The following PPM1B variants were observed in gnomAD, a reference collection of about 807,000 sequenced individuals.
PPM1B encodes protein phosphatase, Mg2+/Mn2+ dependent 1B, also known as protein phosphatase 1B.
Under a neutral mutation model 43.0 loss-of-function variants are expected in PPM1B, and 22 were observed. The observed-to-expected ratio is 0.51, with a 90% CI of 0.37 to 0.73. The LOEUF (loss-of-function observed/expected upper bound fraction) is 0.73. Among genes scored for constraint, PPM1B ranks in the 30% least tolerant of loss-of-function variants. The pLI is 0.00. For synonymous variants in PPM1B, 217 were observed against 197.9 expected, an observed-to-expected ratio of 1.10 and a Z score of -0.81; for missense variants, 632 against 584.2, an observed-to-expected ratio of 1.08 and a Z score of -0.84.
At chr2:44,233,396 T>A (rs1364643007), downstream of PPM1B, 1 of 982,980 alleles carries the variant, frequency 1.0e-6, no homozygotes, top group Admixed American at 6.1e-5. Context: ...CTTGAAGATT[T>A]ATTAGTTTAA....
intron 3 of PPM1B, among the ~76,000 whole-genome samples, chr2:44,215,201 A>G (rs1669665527): frequency 6.6e-6 from 1 of 152,248 alleles, no homozygotes; most frequent in African/African-American, 2.4e-5. Context: ...ATGTAACTTC[A>G]CAGTAGCTTA....
At chr2:44,179,084 TTCTCATGATAATGAGTAAG>T (rs1319091200) in intron 1 of PPM1B, among the ~76,000 whole-genome samples, 2 of 152,170 alleles carry the variant, frequency 1.3e-5, no homozygotes, top group Non-Finnish European at 2.9e-5. Flanking sequence ...TCCTGTGCTG[TTCTCATGATAATGAGTAAG>T]TCTCATGAGA....
At chr2:44,173,467 G>T (rs1667445118) in intron 1 of PPM1B, among the ~76,000 whole-genome samples, 2 of 151,376 alleles carry the variant, frequency 1.3e-5, no homozygotes, top group Admixed American at 1.3e-4. Context: ...CAAATTACAG[G>T]GTGCTTTATT....
chr2:44,205,178 T>A (rs1330868006), intron 2 of PPM1B, among the ~76,000 whole-genome samples: 1 of 152,200 alleles, frequency 6.6e-6, no homozygotes, highest in Non-Finnish European at 1.5e-5. Context: ...AAAGTTTTTT[T>A]AATTTGCAAG....
chr2:44,189,677 C>T (rs1212990744), intron 1 of PPM1B, among the ~76,000 whole-genome samples: 1 of 152,138 alleles, frequency 6.6e-6, no homozygotes, highest in African/African-American at 2.4e-5. Flanking sequence ...GTTGGCCAGG[C>T]TGGTCTCGAA....
intron 2 of PPM1B, among the ~76,000 whole-genome samples, chr2:44,204,868 A>AG (rs1669099058): frequency 6.8e-6 from 1 of 146,328 alleles, no homozygotes; most frequent in Non-Finnish European, 1.5e-5. Flanking sequence ...CAAAAAAAAA[A>AG]AAAAAAAAAA....
intron 1 of PPM1B, among the ~76,000 whole-genome samples, chr2:44,195,076 A>G (rs982217699): frequency 1.3e-5 from 2 of 151,720 alleles, no homozygotes; most frequent in Non-Finnish European, 2.9e-5. Context: ...TATTTTTAGT[A>G]GAGACAGGGT....
chr2:44,183,305 C>T (rs1004332104), intron 1 of PPM1B, among the ~76,000 whole-genome samples: 1 of 152,154 alleles, frequency 6.6e-6, no homozygotes, highest in East Asian at 1.9e-4. Flanking sequence ...TATTACTTGC[C>T]AAGTGACATT....
chr2:44,183,231 C>A (rs1667965340), intron 1 of PPM1B, among the ~76,000 whole-genome samples: 1 of 152,172 alleles, frequency 6.6e-6, no homozygotes, highest in African/African-American at 2.4e-5. Context: ...TATTAAAAAC[C>A]TCTGCTGTGA....
chr2:44,229,534 GT>G (rs1370852025), intron 5 of PPM1B, among the ~76,000 whole-genome samples: 13 of 152,086 alleles, frequency 8.5e-5, no homozygotes, highest in Non-Finnish European at 4.4e-5. Context: ...TCATATGATT[GT>G]TTTCTCATGT....
At chr2:44,202,158 T>A (rs1668969882) in intron 2 of PPM1B, 113 bp downstream of exon 2, 1 of 1,037,482 alleles carries the variant, frequency 9.6e-7, no homozygotes, top group South Asian at 2.3e-5. Context: ...AGAAGCTGTA[T>A]ATTTTGAAGT....
chr2:44,221,689 G>C (rs948884532), intron 5 of PPM1B, among the ~76,000 whole-genome samples: 9 of 152,140 alleles, frequency 5.9e-5, no homozygotes, highest in African/African-American at 2.2e-4. Flanking sequence ...TCTGCTTTAT[G>C]TCGGAGAGAA....
At chr2:44,237,794 T>G (rs1341824016), downstream of PPM1B, among the ~76,000 whole-genome samples, 1 of 152,244 alleles carries the variant, frequency 6.6e-6, no homozygotes, top group African/African-American at 2.4e-5. Flanking sequence ...GTGGGTCTGA[T>G]ACCTTCTTTC....
intron 2 of PPM1B, among the ~76,000 whole-genome samples, chr2:44,207,911 G>C (rs913059391): frequency 7.9e-6 from 1 of 126,084 alleles, no homozygotes; most frequent in African/African-American, 3.0e-5. Flanking sequence ...TTTTTTTGGA[G>C]ACAGTCTCAC....
chr2:44,240,252 A>G lies in PPM1B; in HGVS notation n.1547-3976A>G, dbSNP rs563190189. Among the ~76,000 whole-genome samples the G allele has an allele frequency of 2.7e-5, 4 of 146,154 alleles. 1 individual carries two copies. The South Asian group carries it at 9.4e-4, about 34-fold the overall frequency. ...GAGCTTGCATCCATTTGGGGATATA[A>G]TATTGAAAATTGTTCGCCCTTCCTA... On this transcript the variant is annotated intron_variant and non_coding_transcript_variant, in intron 5 of 5. Transcript: ENST00000378540.
At chr2:44,182,299 G>T (rs1163569189) in intron 1 of PPM1B, among the ~76,000 whole-genome samples, 1 of 151,808 alleles carries the variant, frequency 6.6e-6, no homozygotes, top group East Asian at 1.9e-4. Flanking sequence ...TGCTCTTGTT[G>T]CCCAGGCTGG....
chr2:44,216,419 A>G lies in PPM1B; in HGVS notation c.965-1548A>G, dbSNP rs771694742. 2.6e-5 allele frequency among the ~76,000 whole-genome samples: 4 copies of G among 152,162 alleles called. No homozygotes were observed. In the South Asian group the frequency reaches 6.2e-4, roughly 24 times the overall value. On this transcript the variant is annotated intron_variant, in intron 3 of 5. Coordinates refer to ENST00000282412, the MANE Select transcript of PPM1B (RefSeq NM_002706.6). ...TGTTGATGTTGAGAAGCCTTATACT[A>G]TAAGACACAGATTTAAGGTAGAAAA...
chr2:44,229,017 T>C (rs1246451425), intron 5 of PPM1B, among the ~76,000 whole-genome samples: 25 of 152,028 alleles, frequency 1.6e-4, no homozygotes, highest in Non-Finnish European at 2.9e-5. Context: ...ACCCTGTCTC[T>C]ACTAAAAATA....
chr2:44,218,284 C>T (rs1669818310), intron 4 of PPM1B, among the ~76,000 whole-genome samples, 196 bp from the exon 5 acceptor site: 1 of 152,080 alleles, frequency 6.6e-6, no homozygotes, highest in African/African-American at 2.4e-5. Context: ...GTATGAAGGT[C>T]CTTCTTTCCT....
Sources: gnomAD v4.1 joint callset for allele counts (sites outside exome capture counted in the v4.1 genomes callset) on GRCh38, gnomAD v4.1.1 for gene constraint, MANE v1.5 for transcripts, NCBI Gene and HGNC (gene_info 2026-07-23, HGNC 2026-07-21) for gene names.